Variants in AZI2 observed in about 807,000 individuals in gnomAD.
AZI2 encodes 5-azacytidine-induced protein 2.
In AZI2, 22 loss-of-function variants were observed where a neutral mutation model predicts 45.8. That is an observed-to-expected ratio of 0.48 (90% CI 0.34 to 0.69). AZI2 has a LOEUF of 0.69. AZI2 is among the 30% of genes least tolerant of loss of function. AZI2 has a pLI of 0.01. For missense variants in AZI2, 417 were observed against 441.5 expected (o/e 0.94, Z 0.50); for synonymous variants, 137 against 156.7 (o/e 0.87, Z 0.94).
intron 2 of AZI2, 79 bp from the exon 3 acceptor site, chr3:28,338,694 A>G (rs1420540723): frequency 1.6e-6 from 2 of 1,274,148 alleles, no homozygotes; most frequent in Non-Finnish European, 1.1e-6. Context: ...TGATGGCTCC[A>G]TATCTTACTT....
chr3:28,339,657 T>A (rs561453905), intron 2 of AZI2, among the ~76,000 whole-genome samples: 1 of 152,290 alleles, frequency 6.6e-6, no homozygotes, highest in East Asian at 1.9e-4. Context: ...TTTCCTTGGA[T>A]AATTAATTTA....
rs374440078 is a variant in AZI2 at position 28,339,792 on chromosome 3, A to T, written c.216+610T>A. On this transcript the variant is annotated intron_variant, in intron 2 of 7. Coordinates refer to ENST00000479665, the MANE Select transcript of AZI2 (RefSeq NM_022461.5). ...TTAAAACTTTAAAACTCAAAAATAA[A>T]AGGATGACTGAAGAATATTCCTCAT... 1.4e-4 allele frequency among the ~76,000 whole-genome samples: 22 copies of T among 152,278 alleles called. No individual in the cohort carries two copies. In the East Asian group the frequency reaches 3.9e-3, roughly 27 times the overall value.
intron 6 of AZI2, among the ~76,000 whole-genome samples, chr3:28,330,069 T>G (rs1051040090): frequency 6.6e-6 from 1 of 151,324 alleles, no homozygotes. Flanking sequence ...AGTTCCACAA[T>G]GTAAGTTTAC....
intron 1 of AZI2, among the ~76,000 whole-genome samples, chr3:28,344,159 A>G (rs1704136323): frequency 6.6e-6 from 1 of 152,090 alleles, no homozygotes; most frequent in African/African-American, 2.4e-5. Context: ...ACAATGTGCT[A>G]GCACCACATA....
At chr3:28,328,144 A>C (rs1047914914) in intron 6 of AZI2, among the ~76,000 whole-genome samples, 1 of 150,938 alleles carries the variant, frequency 6.6e-6, no homozygotes, top group East Asian at 1.9e-4. Flanking sequence ...ATCATTTGTT[A>C]AGTTGTAGTA....
In AZI2 at chr3:28,324,079, A is replaced by C. The variant is rs374530663; in HGVS notation, c.1142T>G (p.Leu381Trp). 2.5e-6 allele frequency: 4 copies of C among 1,609,550 alleles called. No homozygotes were observed. In the African/African-American group the frequency reaches 5.4e-5, roughly 22 times the overall value. Reference protein sequence around the residue: ...PLPNLPPLHYLDQHNQNCLYK... With the variant: ...PLPNLPPLHYWDQHNQNCLYK... ...AAGGCAGTTCTGATTATGTTGATCC[A>C]AGTAATGCAGTGGTGGAAGGTTGGG... The change falls in exon 8 of 8, where the codon TTG becomes TGG. Residue 381 changes from leucine to tryptophan, a missense_variant. Leu to Trp is a moderately conservative substitution (Grantham distance 61, BLOSUM62 -2). Transcript: ENST00000479665.
intron 1 of AZI2, among the ~76,000 whole-genome samples, chr3:28,344,200 CTG>C (rs1213924252): frequency 6.6e-6 from 1 of 151,942 alleles, no homozygotes; most frequent in African/African-American, 2.4e-5. Flanking sequence ...TTTAAAATAA[CTG>C]TCATTTAAAT....
Position 28,338,039 on chromosome 3 carries a change from A to G in AZI2, c.340-3T>C. On this transcript the variant is annotated splice_region_variant and splice_polypyrimidine_tract_variant and intron_variant, in intron 3 of 7. Coordinates refer to ENST00000479665, the MANE Select transcript of AZI2 (RefSeq NM_022461.5). ...AAAGATTCAGAGTTGTCTTTATTCT[A>G]GTTAAGTAGGGAAAATGCCAAATTA... 6.5e-7 allele frequency: 1 copy of G among 1,536,538 alleles called. No individual in the cohort carries two copies. The highest frequency in any genetic ancestry group is 8.8e-7 in the Non-Finnish European group (1 of 1,130,638).
chr3:28,334,010 T>C (rs1703693444), intron 5 of AZI2, among the ~76,000 whole-genome samples: 1 of 151,350 alleles, frequency 6.6e-6, no homozygotes, highest in South Asian at 2.1e-4. Flanking sequence ...TCTCACAGGA[T>C]CAATGGTTCT....
intron 5 of AZI2, among the ~76,000 whole-genome samples, chr3:28,335,631 T>G (rs1703761106): frequency 6.6e-6 from 1 of 152,016 alleles, no homozygotes; most frequent in Admixed American, 6.6e-5. Flanking sequence ...CAGACTGCTA[T>G]ATTATTCTTA....
At chr3:28,331,912 T>G in intron 6 of AZI2, 1 of 1,547,818 alleles carries the variant, frequency 6.5e-7, no homozygotes, top group Non-Finnish European at 8.7e-7. Flanking sequence ...TGCTATCCCA[T>G]GATTGCGCCA....
rs990525891 is a variant in AZI2 at position 28,323,943 on chromosome 3, T to C, written c.*99A>G. ...ATAGATACTGAAGACCTCTGCAAAA[T>C]TTTAATCAAAATCTCCTTTCAGTTT... is the stretch of plus-strand genomic sequence containing the variant. On this transcript the variant is annotated 3_prime_UTR_variant, in exon 8 of 8. Coordinates refer to ENST00000479665, the MANE Select transcript of AZI2 (RefSeq NM_022461.5). The C allele has an allele frequency of 1.0e-5, 14 of 1,400,154 alleles. No individual in the cohort carries two copies. Among genetic ancestry groups the C allele is most frequent in the Non-Finnish European group, 1.4e-5 (14 of 1,031,014 alleles). 86.7% of individuals were successfully genotyped at this position (1,400,154 alleles called of 1,614,324 possible).
In AZI2 at chr3:28,321,927, A is replaced by C. The variant is rs1703200430; in HGVS notation, c.*2115T>G. The C allele has an allele frequency of 6.6e-6, 1 of 151,360 alleles. No individual in the cohort carries two copies. The highest frequency in any genetic ancestry group is 6.6e-5 in the Admixed American group (1 of 15,128). The allele number at this position is 151,360 out of a possible 1,614,324, so 9.4% of individuals were successfully genotyped here. ...AATTGAACCTTATAAAAAGAAATCT[A>C]AAGATTCCAAAGGAAGCTCTTTAGA... On this transcript the variant is annotated 3_prime_UTR_variant, in exon 8 of 8. Coordinates refer to ENST00000479665, the MANE Select transcript of AZI2 (RefSeq NM_022461.5).
At position 28,322,982 on chromosome 3, in the gene AZI2, A is replaced by G. The variant is rs896378492; in HGVS notation, c.*1060T>C. The G allele has an allele frequency of 6.6e-6, 1 of 150,752 alleles. No individual in the cohort carries two copies. Among genetic ancestry groups the G allele is most frequent in the African/African-American group, 2.4e-5 (1 of 41,290 alleles). The allele number at this position is 150,752 out of a possible 1,614,324, so 9.3% of individuals were successfully genotyped here. On this transcript the variant is annotated 3_prime_UTR_variant, in exon 8 of 8. Coordinates refer to ENST00000479665, the MANE Select transcript of AZI2 (RefSeq NM_022461.5). Reference sequence around the variant, plus strand: ...TAAATTTCCATGTGAAGCCATCTTTATTTCCTTCTTTATTTCCAAATAATT... The same window carrying G: ...TAAATTTCCATGTGAAGCCATCTTTGTTTCCTTCTTTATTTCCAAATAATT...
At position 28,322,187 on chromosome 3, in the gene AZI2, T is replaced by G. The variant is rs992797251; in HGVS notation, c.*1855A>C. ...TTAAACTGTCACAGTCACTGACTTT[T>G]TAGTATACCTGTTTGATAGCTATCA... On this transcript the variant is annotated 3_prime_UTR_variant, in exon 8 of 8. Coordinates refer to ENST00000479665, the MANE Select transcript of AZI2 (RefSeq NM_022461.5). 6.6e-6 allele frequency: 1 copy of G among 151,172 alleles called. No individual in the cohort carries two copies. Among genetic ancestry groups the G allele is most frequent in the Non-Finnish European group, 1.5e-5 (1 of 67,404 alleles). The allele number at this position is 151,172 out of a possible 1,614,324, so 9.4% of individuals were successfully genotyped here. A position where few individuals can be genotyped will look rare whatever the true frequency, so the allele number is the denominator to read the frequency against.
chr3:28,345,897 T>C (rs1172408226), intron 1 of AZI2, among the ~76,000 whole-genome samples: 1 of 152,126 alleles, frequency 6.6e-6, no homozygotes, highest in Non-Finnish European at 1.5e-5. Context: ...TCTGCCATTT[T>C]CATATTTCAT....
chr3:28,338,731 G>C lies in AZI2; in HGVS notation c.217-116C>G, dbSNP rs1455505157. The C allele has an allele frequency of 3.4e-6, 3 of 889,868 alleles. No homozygotes were observed. In the African/African-American group the frequency reaches 5.2e-5, roughly 15 times the overall value. 55.1% of individuals were successfully genotyped at this position (889,868 alleles called of 1,614,324 possible). A position where few individuals can be genotyped will look rare whatever the true frequency, so the allele number is the denominator to read the frequency against. ...AATCGTAATAAGGGGATAAAGCCTG[G>C]ATTCATTAGGTGAGTATTTCATTTC... On this transcript the variant is annotated intron_variant, in intron 2 of 7. Coordinates refer to ENST00000479665, the MANE Select transcript of AZI2 (RefSeq NM_022461.5).
chr3:28,339,353 A>C (rs1376508016), intron 2 of AZI2, among the ~76,000 whole-genome samples: 1 of 152,196 alleles, frequency 6.6e-6, no homozygotes, highest in African/African-American at 2.4e-5. Context: ...GATAGGAATT[A>C]ATAGGATTGT....
Position 28,326,958 on chromosome 3 carries a change from AAATT to A in AZI2, c.648-12_648-9del, listed in dbSNP as rs1239819577. ...GCATGCTGCATATTATCACTGAAAT[AAATT>A]TTTTTACAAAAAGTTAATACTCATC... On this transcript the variant is annotated splice_polypyrimidine_tract_variant and intron_variant, in intron 6 of 7. Transcript: ENST00000479665. 2.8e-5 allele frequency: 44 copies of A among 1,585,144 alleles called. No homozygotes were observed. The highest frequency in any genetic ancestry group is 3.6e-5 in the Non-Finnish European group (42 of 1,158,422).
Sources: allele counts gnomAD v4.1 joint callset (sites outside exome capture counted in the v4.1 genomes callset), GRCh38; gene constraint gnomAD v4.1.1; transcripts MANE v1.5; gene names NCBI Gene and HGNC (gene_info 2026-07-23, HGNC 2026-07-21).